Variants in SUMF1 observed in about 807,000 individuals in gnomAD.
SUMF1 encodes sulfatase modifying factor 1.
In SUMF1, 48 loss-of-function variants were observed where a neutral mutation model predicts 47.6. The observed-to-expected ratio is 1.01, with a 90% CI of 0.80 to 1.28. The LOEUF (loss-of-function observed/expected upper bound fraction) is 1.28. Ranked by LOEUF, SUMF1 falls within the 50% of genes most tolerant of loss-of-function variation. The pLI is 0.00. For synonymous variants in SUMF1, 230 were observed against 192.1 expected, an observed-to-expected ratio of 1.20 and a Z score of -1.63; for missense variants, 571 against 485.4, an observed-to-expected ratio of 1.18 and a Z score of -1.66.
intron 8 of SUMF1, among the ~76,000 whole-genome samples, chr3:4,121,502 A>G (rs1693540751): frequency 6.6e-6 from 1 of 152,126 alleles, no homozygotes; most frequent in South Asian, 2.1e-4. Context: ...GGTGATGTCC[A>G]CTTAAGGTAG....
rs1467326979 is a variant in SUMF1 at position 4,298,929 on chromosome 3, CT to C, written c.1014+77400del. Among the ~76,000 whole-genome samples, 8 of 152,316 alleles carry C rather than the reference CT, an allele frequency of 5.3e-5. No homozygotes were observed. In the South Asian group the frequency reaches 1.7e-3, roughly 32 times the overall value. On this transcript the variant is annotated intron_variant and NMD_transcript_variant, in intron 8 of 12. Transcript: ENST00000448413. ...CATCTTTCTTTTTATTACTTTGCTT[CT>C]CCTGTTCCTTCCACCTGGAATGCCT...
chr3:4,442,400 C>T (rs576219565), intron 3 of SUMF1, among the ~76,000 whole-genome samples: 348 of 142,872 alleles, frequency 2.4e-3, no homozygotes, highest in African/African-American at 8.1e-3. Flanking sequence ...GGACTACAGG[C>T]GCCCAACACC....
At chr3:4,090,034 T>G (rs902985973) in intron 8 of SUMF1, among the ~76,000 whole-genome samples, 1 of 152,168 alleles carries the variant, frequency 6.6e-6, no homozygotes, top group Admixed American at 6.5e-5. Context: ...GTGAGCTCCA[T>G]GACCCTAGTG....
At chr3:4,365,887 C>T (rs560550375) in intron 8 of SUMF1, among the ~76,000 whole-genome samples, 1 of 152,136 alleles carries the variant, frequency 6.6e-6, no homozygotes, top group South Asian at 2.1e-4. Flanking sequence ...GTGTTTCCTT[C>T]AGGAGCTCTT....
chr3:4,413,287 T>C (rs1701604622), intron 6 of SUMF1, among the ~76,000 whole-genome samples: 1 of 152,112 alleles, frequency 6.6e-6, no homozygotes, highest in Non-Finnish European at 1.5e-5. Context: ...ATTATAAGCA[T>C]GAGGCACCAG....
chr3:4,143,564 A>G (rs1227607474), intron 8 of SUMF1, among the ~76,000 whole-genome samples: 2 of 152,154 alleles, frequency 1.3e-5, no homozygotes, highest in Admixed American at 1.3e-4. Context: ...GACATAAAAC[A>G]TAATCAAACG....
intron 8 of SUMF1, among the ~76,000 whole-genome samples, chr3:4,350,395 A>G (rs1699474782): frequency 6.7e-6 from 1 of 149,072 alleles, no homozygotes; most frequent in Non-Finnish European, 1.5e-5. Flanking sequence ...AATTGTGTGT[A>G]TATATATTCA....
chr3:4,173,154 G>C (rs1694871278), intron 8 of SUMF1, among the ~76,000 whole-genome samples: 1 of 152,180 alleles, frequency 6.6e-6, no homozygotes, highest in African/African-American at 2.4e-5. Context: ...TCAAAGATGA[G>C]ATGGTTGTAT....
chr3:4,446,372 G>A lies in SUMF1; in HGVS notation c.519+2894C>T, dbSNP rs1028572838. On this transcript the variant is annotated intron_variant, in intron 3 of 8. Transcript: ENST00000272902. Reference sequence around the variant, plus strand: ...TCTCTTCCCTGCCACCACGTAAAACGTGCATTTGTTCCTCCTTCACCTTCA... The same window carrying A: ...TCTCTTCCCTGCCACCACGTAAAACATGCATTTGTTCCTCCTTCACCTTCA... Among the ~76,000 whole-genome samples, 15 of 152,174 alleles carry A rather than the reference G, an allele frequency of 9.9e-5. No homozygotes were observed. In the South Asian group the frequency reaches 1.0e-3, roughly 11 times the overall value.
At chr3:4,062,743 C>G (rs1695297077) in intron 9 of SUMF1, among the ~76,000 whole-genome samples, 1 of 152,022 alleles carries the variant, frequency 6.6e-6, no homozygotes, top group South Asian at 2.1e-4. Context: ...ATTTTGGTAC[C>G]TTGATGTCAA....
intron 8 of SUMF1, among the ~76,000 whole-genome samples, chr3:4,200,202 C>T (rs1252165806): frequency 7.6e-6 from 1 of 132,016 alleles, no homozygotes; most frequent in African/African-American, 2.9e-5. Flanking sequence ...TTGCGTATGG[C>T]TACTGTGATG....
chr3:4,443,331 G>C (rs1702669419), intron 3 of SUMF1, among the ~76,000 whole-genome samples: 1 of 151,872 alleles, frequency 6.6e-6, no homozygotes, highest in Admixed American at 6.6e-5. Context: ...TGATGCAAGA[G>C]AGAACAAAAT....
intron 7 of SUMF1, among the ~76,000 whole-genome samples, chr3:4,392,557 TTAAA>T (rs1039003660): frequency 3.3e-5 from 5 of 150,186 alleles, no homozygotes; most frequent in Non-Finnish European, 5.9e-5. Context: ...ATATATAATC[TTAAA>T]TAATCTTAAA....
At chr3:4,423,436 G>A (rs987366055) in intron 3 of SUMF1, among the ~76,000 whole-genome samples, 1 of 151,994 alleles carries the variant, frequency 6.6e-6, no homozygotes, top group African/African-American at 2.4e-5. Context: ...ATGTATAGAA[G>A]TCCCTAGGGC....
intron 8 of SUMF1, among the ~76,000 whole-genome samples, chr3:4,323,210 G>A (rs972591150): frequency 6.6e-6 from 1 of 152,032 alleles, no homozygotes; most frequent in African/African-American, 2.4e-5. Flanking sequence ...TCCATAAAAA[G>A]GAATGAAATA....
At chr3:4,367,343 C>G (rs997154739) in intron 8 of SUMF1, among the ~76,000 whole-genome samples, 7 of 152,202 alleles carry the variant, frequency 4.6e-5, no homozygotes, top group South Asian at 2.1e-4. Context: ...ACAGAGGCAG[C>G]CAGGCCTCCT....
intron 8 of SUMF1, among the ~76,000 whole-genome samples, chr3:4,094,099 C>T (rs945560371): frequency 6.6e-6 from 1 of 151,976 alleles, no homozygotes; most frequent in Non-Finnish European, 1.5e-5. Flanking sequence ...ATCAAAGTTG[C>T]CTGGAGGAAG....
chr3:4,367,254 T>C (rs1700005326), intron 8 of SUMF1, among the ~76,000 whole-genome samples: 1 of 152,196 alleles, frequency 6.6e-6, no homozygotes, highest in Non-Finnish European at 1.5e-5. Context: ...TTCAAAGCTG[T>C]CAGACAGGGA....
chr3:4,350,158 G>T (rs951667728), intron 8 of SUMF1, among the ~76,000 whole-genome samples: 1 of 151,538 alleles, frequency 6.6e-6, no homozygotes, highest in Non-Finnish European at 1.5e-5. Context: ...GCACCACCAC[G>T]CCAGGCTAAT....
Sources: gnomAD v4.1 joint callset for allele counts (sites outside exome capture counted in the v4.1 genomes callset) on GRCh38, gnomAD v4.1.1 for gene constraint, MANE v1.5 for transcripts, NCBI Gene and HGNC (gene_info 2026-07-23, HGNC 2026-07-21) for gene names.